HTR4: variants seen among roughly 807,000 people sequenced by gnomAD.
HTR4 encodes the protein 5-hydroxytryptamine (serotonin) receptor 4, G protein-coupled.
In HTR4, 16 loss-of-function variants were observed where a neutral mutation model predicts 36.8. That is an observed-to-expected ratio of 0.43 (90% confidence interval 0.29 to 0.66). The LOEUF (loss-of-function observed/expected upper bound fraction) is 0.66. Ranked by LOEUF, HTR4 falls within the 30% of genes least tolerant of loss-of-function variation. HTR4 has a pLI of 0.13. For missense variants in HTR4, 438 were observed against 490.9 expected (o/e 0.89, Z 1.02); for synonymous variants, 189 against 185.1 (o/e 1.02, Z -0.17).
intron 5 of HTR4, among the ~76,000 whole-genome samples, chr5:148,521,491 A>G (rs560576004): frequency 6.6e-6 from 1 of 151,732 alleles, no homozygotes; most frequent in Non-Finnish European, 1.5e-5. Flanking sequence ...AAACTAAAAC[A>G]TTGACTCTCC....
intron 6 of HTR4, among the ~76,000 whole-genome samples, chr5:148,502,286 C>T (rs1302064155): frequency 2.6e-5 from 4 of 152,164 alleles, no homozygotes; most frequent in Non-Finnish European, 5.9e-5. Flanking sequence ...CCAGTTACCT[C>T]TCAGAGATGA....
intron 5 of HTR4, among the ~76,000 whole-genome samples, chr5:148,458,101 T>TAAA (rs1561558890): frequency 4.1e-5 from 2 of 48,624 alleles, no homozygotes; most frequent in African/African-American, 5.1e-5. Flanking sequence ...TATATTTTAA[T>TAAA]ATCTATTAAA....
chr5:148,533,004 AT>A (rs776241541), intron 4 of HTR4, among the ~76,000 whole-genome samples: 1 of 152,196 alleles, frequency 6.6e-6, no homozygotes, highest in Non-Finnish European at 1.5e-5. Flanking sequence ...TTACCAAAAG[AT>A]TTTTAAGCTG....
At chr5:148,565,482 TAG>T (rs1561622878) in intron 2 of HTR4, among the ~76,000 whole-genome samples, 1 of 152,004 alleles carries the variant, frequency 6.6e-6, no homozygotes, top group African/African-American at 2.4e-5. Flanking sequence ...CTGAAACTCA[TAG>T]GAGTGGAGAT....
intron 2 of HTR4, among the ~76,000 whole-genome samples, chr5:148,599,719 T>C (rs894780283): frequency 1.3e-4 from 20 of 151,970 alleles, no homozygotes; most frequent in Admixed American, 2.0e-4. Context: ...TATAAGTAAA[T>C]TCAAATTATT....
chr5:148,524,596 G>A (rs754238447), intron 4 of HTR4, among the ~76,000 whole-genome samples: 11 of 152,234 alleles, frequency 7.2e-5, no homozygotes, highest in Middle Eastern at 3.4e-3. Flanking sequence ...CCTCTTCCAT[G>A]CCCAGGCATG....
chr5:148,646,217 C>T (rs1753873502), intron 1 of HTR4: 1 of 152,200 alleles, frequency 6.6e-6, no homozygotes, highest in Non-Finnish European at 1.5e-5. Flanking sequence ...TGCAATCTGT[C>T]CAGGTGAGCA....
At chr5:148,569,340 A>G (rs980891026) in intron 2 of HTR4, among the ~76,000 whole-genome samples, 2 of 152,152 alleles carry the variant, frequency 1.3e-5, no homozygotes, top group African/African-American at 4.8e-5. Flanking sequence ...GGAGCAACAC[A>G]GACTGGAGCC....
At chr5:148,610,197 GC>G (rs1457432155) in intron 2 of HTR4, among the ~76,000 whole-genome samples, 1 of 152,210 alleles carries the variant, frequency 6.6e-6, no homozygotes, top group Admixed American at 6.5e-5. Context: ...TGGTGGAGGA[GC>G]CAAGATGGCC....
In HTR4 at chr5:148,483,049, C is replaced by G; in HGVS notation, c.*154G>C. On this transcript the variant is annotated 3_prime_UTR_variant, in exon 7 of 7. Transcript: ENST00000377888. Reference sequence around the variant, plus strand: ...CCTCCAGCGCCACCTGCTGGAATCTCAGAGGAAAAGCCCAGCGAGCACCGG... The same window carrying G: ...CCTCCAGCGCCACCTGCTGGAATCTGAGAGGAAAAGCCCAGCGAGCACCGG... The G allele has an allele frequency of 6.8e-7, 1 of 1,462,480 alleles. No homozygotes were observed. 90.6% of individuals were successfully genotyped at this position (1,462,480 alleles called of 1,614,324 possible).
At chr5:148,508,653 T>C (rs1757339169) in intron 6 of HTR4, among the ~76,000 whole-genome samples, 1 of 152,194 alleles carries the variant, frequency 6.6e-6, no homozygotes, top group African/African-American at 2.4e-5. Flanking sequence ...TCAGCTTCCT[T>C]TCCTTTCTAC....
At chr5:148,501,016 T>C (rs761649103) in intron 6 of HTR4, among the ~76,000 whole-genome samples, 73 of 152,226 alleles carry the variant, frequency 4.8e-4, no homozygotes, top group Non-Finnish European at 7.2e-4. Context: ...CTGAAAGAAA[T>C]ACTAGCACAT....
chr5:148,600,929 A>G (rs1581529345), intron 2 of HTR4, among the ~76,000 whole-genome samples: 2 of 149,484 alleles, frequency 1.3e-5, no homozygotes, highest in Middle Eastern at 3.4e-3. Context: ...CATATTTGAT[A>G]AACGGTTAAT....
chr5:148,498,596 A>G (rs1209226642), intron 6 of HTR4, among the ~76,000 whole-genome samples: 3 of 152,198 alleles, frequency 2.0e-5, no homozygotes, highest in Non-Finnish European at 2.9e-5. Context: ...ACAGGAATTA[A>G]ATAAGGAATT....
intron 6 of HTR4, among the ~76,000 whole-genome samples, chr5:148,483,502 A>G (rs1755991672): frequency 6.6e-6 from 1 of 152,216 alleles, no homozygotes; most frequent in Non-Finnish European, 1.5e-5. Context: ...ATGTTCAGCC[A>G]AAATCGGTGT....
intron 2 of HTR4, among the ~76,000 whole-genome samples, chr5:148,606,726 G>A (rs1383252817): frequency 1.3e-5 from 2 of 152,248 alleles, no homozygotes; most frequent in Admixed American, 6.5e-5. Flanking sequence ...TTAGATTTAC[G>A]TTTGTGATGC....
intron 2 of HTR4, among the ~76,000 whole-genome samples, chr5:148,576,127 AAAAAAAC>A (rs1760903021): frequency 2.0e-5 from 3 of 149,356 alleles, no homozygotes; most frequent in East Asian, 3.9e-4. Context: ...AAAAAAAAAA[AAAAAAAC>A]AAAATCAATG....
intron 4 of HTR4, among the ~76,000 whole-genome samples, chr5:148,532,997 C>T (rs893649560): frequency 1.3e-5 from 2 of 152,102 alleles, no homozygotes; most frequent in Non-Finnish European, 2.9e-5. Context: ...GGAGGAGTTA[C>T]CAAAAGATTT....
chr5:148,573,011 T>A (rs1760738875), intron 2 of HTR4, among the ~76,000 whole-genome samples: 1 of 152,034 alleles, frequency 6.6e-6, no homozygotes, highest in Non-Finnish European at 1.5e-5. Context: ...GTGGCACAGG[T>A]AGAGCAGCTG....
Sources: allele counts gnomAD v4.1 joint callset (sites outside exome capture counted in the v4.1 genomes callset), GRCh38; gene constraint gnomAD v4.1.1; transcripts MANE v1.5; gene names NCBI Gene and HGNC (gene_info 2026-07-23, HGNC 2026-07-21).